TSPAN15: variants seen among roughly 807,000 people sequenced by gnomAD.
The protein encoded by TSPAN15 is tetraspanin-15.
Under a neutral mutation model 34.5 loss-of-function variants are expected in TSPAN15, and 20 were observed. That is an observed-to-expected ratio of 0.58 (90% confidence interval 0.41 to 0.84). TSPAN15 has a LOEUF of 0.84. Among genes scored for constraint, TSPAN15 ranks in the 40% least tolerant of loss-of-function variants. The probability of loss-of-function intolerance (pLI) is 0.00; values close to 1 mark genes in which losing one functional copy is unlikely to be tolerated. For missense variants in TSPAN15, 313 were observed against 386.1 expected (o/e 0.81, Z 1.59); for synonymous variants, 155 against 153.9 (o/e 1.01, Z -0.05).
intron 1 of TSPAN15, among the ~76,000 whole-genome samples, chr10:69,475,045 G>GC (rs1435060269): frequency 6.6e-5 from 10 of 152,188 alleles, no homozygotes; most frequent in African/African-American, 2.2e-4. Flanking sequence ...TGGGAGGCAG[G>GC]CCCGTGGCTC....
chr10:69,520,791 A>T, the TSPAN15 span, among the ~76,000 whole-genome samples: 1 of 152,360 alleles, frequency 6.6e-6, no homozygotes, highest in Admixed American at 6.5e-5. Flanking sequence ...TGATTTACAA[A>T]TATCTGTTTG....
intron 5 of TSPAN15, among the ~76,000 whole-genome samples, chr10:69,502,674 G>A (rs1589654547): frequency 6.6e-6 from 1 of 152,128 alleles, no homozygotes; most frequent in African/African-American, 2.4e-5. Context: ...GACTATGGAT[G>A]CATCGTATCC....
Position 69,451,711 on chromosome 10 carries a change from CCGG to C in TSPAN15, c.96+22_96+24del, listed in dbSNP as rs1274492395. On this transcript the variant is annotated intron_variant, in intron 1 of 7. Coordinates refer to ENST00000373290, the MANE Select transcript of TSPAN15 (RefSeq NM_012339.5). ...TCTGGGTGAGTGACCCCAGTAGGGC[CCGG>C]GGATGGGGGTGGGGACCCACAATCC... is the stretch of plus-strand genomic sequence containing the variant. 3.5e-6 allele frequency: 5 copies of C among 1,444,680 alleles called. No homozygotes were observed. The South Asian group carries it at 5.8e-5, about 17-fold the overall frequency. The allele number at this position is 1,444,680 out of a possible 1,614,324, so 89.5% of individuals were successfully genotyped here. A position where few individuals can be genotyped will look rare whatever the true frequency, so the allele number is the denominator to read the frequency against.
In TSPAN15 at chr10:69,485,305, G is replaced by A. The variant is rs1405510733; in HGVS notation, c.357+90G>A. On this transcript the variant is annotated intron_variant, in intron 3 of 7. Transcript: ENST00000373290. ...TAACTGGGGGTATGGCAGTGAGCAG[G>A]GCAGATAACCCCCATGGAGCTTTCA... The A allele has an allele frequency of 2.8e-6, 3 of 1,059,296 alleles. No homozygotes were observed. In the East Asian group the frequency reaches 7.1e-5, roughly 25 times the overall value. 65.6% of individuals were successfully genotyped at this position (1,059,296 alleles called of 1,614,324 possible).
At chr10:69,480,700 TTTC>T (rs568440771) in intron 1 of TSPAN15, among the ~76,000 whole-genome samples, 253 of 152,212 alleles carry the variant, frequency 1.7e-3, no homozygotes, top group African/African-American at 5.9e-3. Context: ...TTTCTTTTCT[TTTC>T]TTCTTCTTTT....
intron 4 of TSPAN15, 141 bp from the exon 5 acceptor site, chr10:69,498,139 A>G (rs1842125158): frequency 1.4e-6 from 1 of 698,720 alleles, no homozygotes; most frequent in African/African-American, 1.8e-5. Flanking sequence ...GACAGCTCTG[A>G]CTTGAAAGTG....
the TSPAN15 span, among the ~76,000 whole-genome samples, chr10:69,528,112 C>T: frequency 3.4e-5 from 5 of 147,858 alleles, 2 homozygotes; most frequent in African/African-American, 1.2e-4. Flanking sequence ...AGGTGTGGAG[C>T]GGCCAGGAGT....
Position 69,506,092 on chromosome 10 carries a change from C to T in TSPAN15, c.619-32C>T. 1 of 1,600,630 alleles carries T rather than the reference C, an allele frequency of 6.2e-7. No individual in the cohort carries two copies. Among genetic ancestry groups the T allele is most frequent in the Non-Finnish European group, 8.6e-7 (1 of 1,168,842 alleles). The stretch of plus-strand genomic sequence containing the variant: ...TGTGGCTCCTGCCAGCCGAGGTCCT[C>T]TGCTGGGCTGACCCAGCTCCTTCCC... On this transcript the variant is annotated intron_variant, in intron 6 of 7. Coordinates refer to ENST00000373290, the MANE Select transcript of TSPAN15 (RefSeq NM_012339.5). The surrounding 1 kb of genome is among the most constrained non-coding windows in gnomAD (Gnocchi z 4.7).
intron 1 of TSPAN15, among the ~76,000 whole-genome samples, chr10:69,466,585 A>T (rs1460975110): frequency 2.0e-5 from 3 of 152,222 alleles, no homozygotes; most frequent in Non-Finnish European, 4.4e-5. Context: ...TTTTATTAAA[A>T]CATCGAGTTA....
At chr10:69,515,857 A>G in the TSPAN15 span, among the ~76,000 whole-genome samples, 1 of 152,204 alleles carries the variant, frequency 6.6e-6, no homozygotes, top group East Asian at 1.9e-4. Context: ...AGCACTCAGC[A>G]ACTCCACCCT....
intron 3 of TSPAN15, chr10:69,494,734 AG>A: frequency 1.0e-6 from 1 of 985,308 alleles, no homozygotes; most frequent in Non-Finnish European, 1.2e-6. Context: ...CTGGCTCTTC[AG>A]TCTGGCACCG....
At chr10:69,500,860 T>C (rs370838818) in intron 5 of TSPAN15, among the ~76,000 whole-genome samples, 2 of 152,216 alleles carry the variant, frequency 1.3e-5, no homozygotes, top group South Asian at 4.2e-4. Flanking sequence ...AAGTAGTTAT[T>C]GCAGGGGGCT....
At chr10:69,485,069 A>T in intron 2 of TSPAN15, 72 bp from the exon 3 acceptor site, 1 of 1,413,154 alleles carries the variant, frequency 7.1e-7, no homozygotes, top group Non-Finnish European at 1.0e-6. Context: ...CTTGGAGCAG[A>T]TGGTGCCTCC....
the TSPAN15 span, among the ~76,000 whole-genome samples, chr10:69,545,282 T>C: frequency 6.6e-6 from 1 of 152,108 alleles, no homozygotes; most frequent in African/African-American, 2.4e-5. Flanking sequence ...CAGATTTGTG[T>C]CCAAAAGTGG....
At chr10:69,456,477 T>C (rs1400525396) in intron 1 of TSPAN15, among the ~76,000 whole-genome samples, 2 of 152,232 alleles carry the variant, frequency 1.3e-5, no homozygotes, top group African/African-American at 4.8e-5. Flanking sequence ...AGGTTCAAGT[T>C]GCCCTGAATA....
Position 69,494,811 on chromosome 10 carries a change from C to T in TSPAN15, c.358-783C>T, listed in dbSNP as rs183839745. On this transcript the variant is annotated intron_variant, in intron 3 of 7. Coordinates refer to ENST00000373290, the MANE Select transcript of TSPAN15 (RefSeq NM_012339.5). ...CTCGACCTCCGTGCTCTGAAAGCTG[C>T]GATTGTTACAGTGAGCTGGGCTGCC... 3.0e-5 allele frequency: 30 copies of T among 985,562 alleles called. No individual in the cohort carries two copies. The South Asian group carries it at 3.3e-4, about 11-fold the overall frequency. 61.1% of individuals were successfully genotyped at this position (985,562 alleles called of 1,614,324 possible).
chr10:69,492,243 G>A (rs1841983362), intron 3 of TSPAN15, among the ~76,000 whole-genome samples: 1 of 152,138 alleles, frequency 6.6e-6, no homozygotes. Flanking sequence ...TGTCCTCTGA[G>A]TGGCTCCCCT....
At chr10:69,498,852 G>A (rs756374969) in intron 5 of TSPAN15, among the ~76,000 whole-genome samples, 4 of 152,206 alleles carry the variant, frequency 2.6e-5, no homozygotes, top group African/African-American at 7.2e-5. Flanking sequence ...TGCAGGCCAG[G>A]TGAGGGCAGG....
intron 1 of TSPAN15, among the ~76,000 whole-genome samples, chr10:69,466,123 G>A (rs1409372860): frequency 6.6e-6 from 1 of 152,216 alleles, no homozygotes; most frequent in Non-Finnish European, 1.5e-5. Context: ...GCAGAAGTGG[G>A]GCCAGCATCA....
Sources: allele counts gnomAD v4.1 joint callset (sites outside exome capture counted in the v4.1 genomes callset), GRCh38; gene constraint gnomAD v4.1.1; non-coding constraint Gnocchi (gnomAD v3.1); transcripts MANE v1.5; gene names NCBI Gene and HGNC (gene_info 2026-07-23, HGNC 2026-07-21).